Variants in PTPRA observed in about 807,000 individuals in gnomAD.
PTPRA encodes receptor-type tyrosine-protein phosphatase alpha.
Under a neutral mutation model 104.8 loss-of-function variants are expected in PTPRA, and 25 were observed. The observed-to-expected ratio is 0.24, with a 90% CI of 0.17 to 0.33. The LOEUF (loss-of-function observed/expected upper bound fraction) is 0.33, where lower values mean the gene tolerates loss of function less well. Ranked by LOEUF, PTPRA falls within the 10% of genes least tolerant of loss-of-function variation. The pLI, the probability that PTPRA is intolerant of heterozygous loss-of-function variation, is 1.00. For missense variants in PTPRA, 765 were observed against 1,015.3 expected (o/e 0.75, Z 3.35); for synonymous variants, 323 against 368.9 (o/e 0.88, Z 1.43).
chr20:3,032,981 T>TA lies in PTPRA; in HGVS notation c.1921-2603dup, dbSNP rs535129693. Reference sequence around the variant, plus strand: ...CCTCCCTCCTCTTCCTCAGAACACTTACTTCCGTAGCATCACCCCACTCAC... The same window carrying TA: ...CCTCCCTCCTCTTCCTCAGAACACTTAACTTCCGTAGCATCACCCCACTCAC... On this transcript the variant is annotated intron_variant, in intron 20 of 23. Coordinates refer to ENST00000399903, the MANE Select transcript of PTPRA (RefSeq NM_001385305.1). Among the ~76,000 whole-genome samples the TA allele has an allele frequency of 1.3e-4, 20 of 151,932 alleles. No individual in the cohort carries two copies. The East Asian group carries it at 3.1e-3, about 23-fold the overall frequency.
rs947764289 is a variant in PTPRA, at chr20:3,023,444, C to T, written c.1464+620C>T. Among the ~76,000 whole-genome samples the T allele has an allele frequency of 8.5e-5, 13 of 152,130 alleles. 1 individual carries two copies. Among genetic ancestry groups the T allele is most frequent in the South Asian group, 4.1e-4 (2 of 4,830 alleles). On this transcript the variant is annotated intron_variant, in intron 16 of 23. Coordinates refer to ENST00000399903, the MANE Select transcript of PTPRA (RefSeq NM_001385305.1). ...GAATGGAATGTCTTGGTGTAAAACC[C>T]GATCGTACATTCTATTTACTGAGAT...
intron 20 of PTPRA, among the ~76,000 whole-genome samples, chr20:3,028,853 T>G (rs2065273273): frequency 6.6e-6 from 1 of 152,142 alleles, no homozygotes; most frequent in African/African-American, 2.4e-5. Context: ...AAGGACTCAT[T>G]AGAAATGCGA....
At chr20:2,869,702 A>G (rs1047755586), upstream of PTPRA, among the ~76,000 whole-genome samples, 2 of 152,250 alleles carry the variant, frequency 1.3e-5, no homozygotes, top group African/African-American at 4.8e-5. Context: ...GCAGTGGCTC[A>G]TGCCTGTAAT....
intron 1 of PTPRA, among the ~76,000 whole-genome samples, chr20:2,886,022 A>G (rs1307305238): frequency 2.0e-5 from 3 of 152,178 alleles, no homozygotes; most frequent in Non-Finnish European, 4.4e-5. Context: ...TCATGCCACC[A>G]CACTCCAGTG....
In PTPRA at chr20:3,037,826, G is replaced by C. The variant is rs1470326371; in HGVS notation, c.2335-233G>C. ...CCCAGCACATGCCTGTCTGACCTCTGTGGGGCCTGGGTCAGCTCTGGTCAG... is the reference window on the plus strand; with the variant it reads ...CCCAGCACATGCCTGTCTGACCTCTCTGGGGCCTGGGTCAGCTCTGGTCAG... On this transcript the variant is annotated intron_variant, in intron 23 of 23. Transcript: ENST00000399903. The surrounding 1 kb of genome is among the most constrained non-coding windows in gnomAD (Gnocchi z 4.3). Among the ~76,000 whole-genome samples, 1 of 152,212 alleles carries C rather than the reference G, an allele frequency of 6.6e-6. No individual in the cohort carries two copies. The highest frequency in any genetic ancestry group is 2.4e-5 in the African/African-American group (1 of 41,456).
intron 9 of PTPRA, among the ~76,000 whole-genome samples, chr20:2,998,888 CATATT>C (rs1217136624): frequency 3.3e-5 from 5 of 149,882 alleles, no homozygotes; most frequent in Non-Finnish European, 7.4e-5. Context: ...ATTAATATGA[CATATT>C]ATATTATAGA....
In PTPRA at chr20:2,950,205, G is replaced by T. The variant is rs540256835; in HGVS notation, c.-7+2181G>T. On this transcript the variant is annotated intron_variant, in intron 3 of 23. Coordinates refer to ENST00000399903, the MANE Select transcript of PTPRA (RefSeq NM_001385305.1). This position sits in a 1 kb window ranked among gnomAD's most constrained non-coding sequence, Gnocchi z 4.0. The stretch of plus-strand genomic sequence containing the variant: ...ACCTCTTTAATTGTAAGAATATTCA[G>T]GTCTTTTGTTCTTCCTGGGCTAGTT... Among the ~76,000 whole-genome samples the T allele has an allele frequency of 6.6e-6, 1 of 151,960 alleles. No homozygotes were observed. Among genetic ancestry groups the T allele is most frequent in the Non-Finnish European group, 1.5e-5 (1 of 67,998 alleles).
intron 9 of PTPRA, among the ~76,000 whole-genome samples, chr20:2,997,843 G>A (rs1377959857): frequency 2.0e-5 from 3 of 152,228 alleles, no homozygotes; most frequent in African/African-American, 7.2e-5. Context: ...AATTGTGTTA[G>A]CTTCTGGCTG....
intron 1 of PTPRA, among the ~76,000 whole-genome samples, chr20:2,884,814 T>TG (rs2090282852): frequency 2.6e-4 from 7 of 26,432 alleles, no homozygotes; most frequent in Non-Finnish European, 3.7e-4. Flanking sequence ...TTTTTTTTGT[T>TG]TTTTTTTTTT....
chr20:2,919,401 A>G (rs766531464), intron 1 of PTPRA, among the ~76,000 whole-genome samples: 12 of 152,176 alleles, frequency 7.9e-5, no homozygotes, highest in Non-Finnish European at 1.5e-4. Context: ...AATTAATAGG[A>G]TATATAATGG....
At chr20:2,864,917 G>A in the PTPRA span, 12 of 1,605,944 alleles carry the variant, frequency 7.5e-6, no homozygotes, top group African/African-American at 2.7e-5. The surrounding 1 kb of genome is among the most constrained non-coding windows in gnomAD (Gnocchi z 5.2). Flanking sequence ...ACTGTAGCCT[G>A]GGTGAGGAGG....
At chr20:2,956,973 G>T (rs1043875201) in intron 3 of PTPRA, among the ~76,000 whole-genome samples, 3 of 152,090 alleles carry the variant, frequency 2.0e-5, no homozygotes, top group African/African-American at 7.2e-5. Flanking sequence ...TTTTATGTTC[G>T]CCAGTGTGAT....
chr20:2,873,171 T>C (rs1354249748), upstream of PTPRA, among the ~76,000 whole-genome samples: 1 of 152,168 alleles, frequency 6.6e-6, no homozygotes. The surrounding 1 kb of genome is among the most constrained non-coding windows in gnomAD (Gnocchi z 4.4). Flanking sequence ...CTGGCCTCGG[T>C]TTCCTGATCT....
intron 1 of PTPRA, among the ~76,000 whole-genome samples, chr20:2,900,110 AAAAAC>A (rs71946319): frequency 0.21 from 31,715 of 149,338 alleles, 3,742 homozygotes; most frequent in East Asian, 0.36. Flanking sequence ...ACTCCATCTC[AAAAAC>A]AAAACAAAAC....
Position 3,035,696 on chromosome 20 carries a change from G to A in PTPRA, c.2032G>A (p.Val678Ile), listed in dbSNP as rs975753602. 6.2e-7 allele frequency: 1 copy of A among 1,614,074 alleles called. No homozygotes were observed. Among genetic ancestry groups the A allele is most frequent in the Non-Finnish European group, 8.5e-7 (1 of 1,180,042 alleles). The change falls in exon 21 of 24, where the codon GTC becomes ATC. Residue 678 changes from valine (V) to isoleucine (I), a missense_variant. Physicochemically the swap from Val to Ile is conservative, Grantham distance 29. This residue lies in a region of PTPRA where 192 missense variants were observed against 227.0 expected (regional missense o/e 0.85). Coordinates refer to ENST00000399903, the MANE Select transcript of PTPRA (RefSeq NM_001385305.1). This position sits in a 1 kb window ranked among gnomAD's most constrained non-coding sequence, Gnocchi z 5.8. ...CESYTVRDLL[V>I]TNTRENKSRQ... Reference sequence around the variant, plus strand: ...GAGCTACACCGTCCGAGACCTCCTGGTCACCAACACCAGGGTAAGATGGGT... The same window carrying A: ...GAGCTACACCGTCCGAGACCTCCTGATCACCAACACCAGGGTAAGATGGGT...
intron 5 of PTPRA, among the ~76,000 whole-genome samples, chr20:2,973,650 GACAA>G (rs1343578360): frequency 2.0e-5 from 3 of 152,242 alleles, no homozygotes; most frequent in South Asian, 2.1e-4. Context: ...CACTGCGAAG[GACAA>G]ACAAAGGGAA....
At chr20:2,900,998 G>T (rs1282725672) in intron 1 of PTPRA, among the ~76,000 whole-genome samples, 1 of 151,996 alleles carries the variant, frequency 6.6e-6, no homozygotes, top group Non-Finnish European at 1.5e-5. Flanking sequence ...TTGAGATGGA[G>T]TCTTGCTCTG....
At chr20:2,902,770 A>AT (rs1463088922) in intron 1 of PTPRA, among the ~76,000 whole-genome samples, 2 of 152,088 alleles carry the variant, frequency 1.3e-5, no homozygotes, top group Non-Finnish European at 1.5e-5. Context: ...TGAGGGTTTT[A>AT]TTTTTTGTTT....
chr20:2,885,626 C>G (rs990428057), intron 1 of PTPRA, among the ~76,000 whole-genome samples: 1 of 152,138 alleles, frequency 6.6e-6, no homozygotes, highest in African/African-American at 2.4e-5. Context: ...CAGAGTCAAA[C>G]CTTCCTCTGA....
Sources: allele counts gnomAD v4.1 joint callset (sites outside exome capture counted in the v4.1 genomes callset), GRCh38; gene constraint gnomAD v4.1.1; regional missense constraint gnomAD v4.1.1; non-coding constraint Gnocchi (gnomAD v3.1); transcripts MANE v1.5; gene names NCBI Gene and HGNC (gene_info 2026-07-23, HGNC 2026-07-21).